Variants in ZNF292 observed in about 807,000 individuals in gnomAD.
The protein encoded by ZNF292 is zinc finger protein 292.
Under a neutral mutation model 217.9 loss-of-function variants are expected in ZNF292, and 26 were observed. The ratio of observed to expected loss-of-function variants is 0.12; its 90% confidence interval spans 0.09 to 0.17. The LOEUF is 0.17. Ranked by LOEUF, ZNF292 falls within the 10% of genes least tolerant of loss-of-function variation. The pLI is 1.00. For missense variants in ZNF292, 2,904 were observed against 3,175.2 expected (o/e 0.91, Z 2.05); for synonymous variants, 1,257 against 1,124.1 (o/e 1.12, Z -2.37).
chr6:87,218,395 T>A (rs1205658795), intron 3 of ZNF292, among the ~76,000 whole-genome samples: 1 of 152,158 alleles, frequency 6.6e-6, no homozygotes, highest in Non-Finnish European at 1.5e-5. Flanking sequence ...ATACATTATA[T>A]TTATTTAAGA....
chr6:87,223,415 A>G (rs1162438369), intron 4 of ZNF292: 3 of 152,128 alleles, frequency 2.0e-5, no homozygotes, highest in African/African-American at 7.3e-5. Context: ...AACCTAGACC[A>G]CCTAGCTGTG....
intron 7 of ZNF292, among the ~76,000 whole-genome samples, chr6:87,250,986 G>A (rs1455618859): frequency 6.6e-6 from 1 of 152,190 alleles, no homozygotes; most frequent in Non-Finnish European, 1.5e-5. Flanking sequence ...TAAAGTAGGT[G>A]CTGAATGAAT....
chr6:87,242,094 CAG>C (rs769059367), intron 5 of ZNF292, among the ~76,000 whole-genome samples: 12 of 152,150 alleles, frequency 7.9e-5, no homozygotes. Flanking sequence ...AAATGTCTGA[CAG>C]TGTGTTTAAC....
intron 1 of ZNF292, among the ~76,000 whole-genome samples, chr6:87,163,300 A>C (rs1437480479): frequency 6.6e-6 from 1 of 152,046 alleles, no homozygotes; most frequent in African/African-American, 2.4e-5. Flanking sequence ...AAATACAAAA[A>C]ATTAGCCGGG....
chr6:87,191,796 TG>T lies in ZNF292; in HGVS notation c.169-24103del, dbSNP rs1167375413. Among the ~76,000 whole-genome samples, 5 of 152,154 alleles carry T rather than the reference TG, an allele frequency of 3.3e-5. No homozygotes were observed. In the South Asian group the frequency reaches 8.3e-4, roughly 25 times the overall value. On this transcript the variant is annotated intron_variant, in intron 1 of 7. Transcript: ENST00000369577. ...ATTCTGGCTCAGCCTCCCAAGTAGC[TG>T]GGGTTGCAGGAGTGCCCACCACACC...
intron 1 of ZNF292, among the ~76,000 whole-genome samples, chr6:87,198,479 C>G (rs904505991): frequency 1.3e-5 from 2 of 152,180 alleles, no homozygotes; most frequent in African/African-American, 4.8e-5. Flanking sequence ...GCTGGGATTA[C>G]AGGCCTGAGG....
chr6:87,173,919 G>T, intron 1 of ZNF292: 1 of 184,970 alleles, frequency 5.4e-6, no homozygotes. Context: ...TAGCCAGTCT[G>T]ACTAGAAGAC....
chr6:87,222,739 G>T, intron 4 of ZNF292: 1 of 442,642 alleles, frequency 2.3e-6, no homozygotes, highest in Non-Finnish European at 4.6e-6. Context: ...CATTTCCTTA[G>T]TTTTTACCTA....
intron 5 of ZNF292, among the ~76,000 whole-genome samples, chr6:87,239,695 G>A (rs867388729): frequency 0.47 from 35,376 of 76,024 alleles, 10,389 homozygotes; most frequent in African/African-American, 0.68. Flanking sequence ...GGGCGGAGGG[G>A]CTCCTCACCT....
At chr6:87,181,031 C>T (rs1339656729) in intron 1 of ZNF292, among the ~76,000 whole-genome samples, 1 of 152,052 alleles carries the variant, frequency 6.6e-6, no homozygotes, top group Non-Finnish European at 1.5e-5. Flanking sequence ...CTCTTGGCCC[C>T]ATGGTAATGT....
intron 1 of ZNF292, among the ~76,000 whole-genome samples, chr6:87,157,177 T>A (rs1475645029): frequency 1.3e-5 from 2 of 152,024 alleles, no homozygotes; most frequent in Non-Finnish European, 2.9e-5. Context: ...CTGTTCATAA[T>A]CTTAAAAACA....
chr6:87,210,587 C>T (rs1032790482), intron 1 of ZNF292, among the ~76,000 whole-genome samples: 2 of 151,954 alleles, frequency 1.3e-5, no homozygotes, highest in Non-Finnish European at 2.9e-5. Flanking sequence ...CAAGACCATC[C>T]TGGCTGACAA....
At chr6:87,242,996 T>G (rs552816309) in intron 5 of ZNF292, among the ~76,000 whole-genome samples, 2 of 152,300 alleles carry the variant, frequency 1.3e-5, no homozygotes, top group South Asian at 4.1e-4. Flanking sequence ...TACTATATTT[T>G]TCCCTCATGA....
At chr6:87,227,162 GGA>G (rs1486821835) in intron 4 of ZNF292, among the ~76,000 whole-genome samples, 1 of 152,132 alleles carries the variant, frequency 6.6e-6, no homozygotes, top group Non-Finnish European at 1.5e-5. Flanking sequence ...TCTTTCTTCA[GGA>G]AAGGGTAAGA....
At chr6:87,211,703 C>T (rs978157020) in intron 1 of ZNF292, among the ~76,000 whole-genome samples, 1 of 152,056 alleles carries the variant, frequency 6.6e-6, no homozygotes, top group African/African-American at 2.4e-5. Context: ...TCCCTAGTTC[C>T]ATCAGTCATT....
intron 1 of ZNF292, among the ~76,000 whole-genome samples, chr6:87,207,615 T>G (rs968755123): frequency 6.6e-6 from 1 of 152,256 alleles, no homozygotes; most frequent in African/African-American, 2.4e-5. Context: ...GTAACTGTTT[T>G]ACTTGTGTTT....
intron 1 of ZNF292, among the ~76,000 whole-genome samples, chr6:87,207,163 C>T (rs1772282365): frequency 6.6e-6 from 1 of 152,198 alleles, no homozygotes; most frequent in African/African-American, 2.4e-5. Context: ...TGTCTGCTTT[C>T]ACCTAATGTT....
At chr6:87,174,908 C>T (rs1264766193) in intron 1 of ZNF292, among the ~76,000 whole-genome samples, 1 of 152,190 alleles carries the variant, frequency 6.6e-6, no homozygotes, top group Non-Finnish European at 1.5e-5. Flanking sequence ...CCGAGGTTAT[C>T]TTACACATTT....
chr6:87,219,718 C>T (rs932602637), intron 4 of ZNF292, among the ~76,000 whole-genome samples: 2 of 152,186 alleles, frequency 1.3e-5, no homozygotes, highest in Non-Finnish European at 2.9e-5. Context: ...TTAGTTTTCA[C>T]AAGAGGTTTA....
Sources: gnomAD v4.1 joint callset for allele counts (sites outside exome capture counted in the v4.1 genomes callset) on GRCh38, gnomAD v4.1.1 for gene constraint, MANE v1.5 for transcripts, NCBI Gene and HGNC (gene_info 2026-07-23, HGNC 2026-07-21) for gene names.